ST6GAL1: variants seen among roughly 807,000 people sequenced by gnomAD.
The protein encoded by ST6GAL1 is beta-galactoside alpha-2,6-sialyltransferase 1.
ST6GAL1 carries 20 observed loss-of-function variants against 38.0 expected under a neutral mutation model. The observed-to-expected ratio is 0.53, with a 90% confidence interval of 0.37 to 0.77. The LOEUF (loss-of-function observed/expected upper bound fraction) is 0.77. ST6GAL1 is among the 30% of genes least tolerant of loss of function. The pLI, the probability that ST6GAL1 is intolerant of heterozygous loss-of-function variation, is 0.00. For missense variants in ST6GAL1, 432 were observed against 496.4 expected, an observed-to-expected ratio of 0.87 and a Z score of 1.23; for synonymous variants, 196 against 188.2, an observed-to-expected ratio of 1.04 and a Z score of -0.34.
intron 1 of ST6GAL1, among the ~76,000 whole-genome samples, chr3:186,935,240 A>G (rs910826514): frequency 2.0e-5 from 3 of 152,044 alleles, no homozygotes; most frequent in Non-Finnish European, 4.4e-5. Flanking sequence ...GCTCCCACTT[A>G]TAAGTAAGAA....
intron 2 of ST6GAL1, among the ~76,000 whole-genome samples, chr3:186,990,827 A>T (rs1236183978): frequency 6.6e-6 from 1 of 151,762 alleles, no homozygotes; most frequent in Non-Finnish European, 1.5e-5. Flanking sequence ...AAAGAAAAAA[A>T]AAAAGGATAT....
At chr3:187,017,195 T>G (rs1455975021) in intron 2 of ST6GAL1, among the ~76,000 whole-genome samples, 1 of 152,170 alleles carries the variant, frequency 6.6e-6, no homozygotes, top group Non-Finnish European at 1.5e-5. Flanking sequence ...ACTCATTAAC[T>G]ATGTCTACCC....
At chr3:186,995,894 C>T (rs764881431) in intron 2 of ST6GAL1, among the ~76,000 whole-genome samples, 63 of 152,042 alleles carry the variant, frequency 4.1e-4, no homozygotes, top group Admixed American at 2.3e-3. Context: ...TAACTTCCCA[C>T]GGGCGGGGAC....
intron 2 of ST6GAL1, among the ~76,000 whole-genome samples, chr3:187,014,500 A>G (rs537667694): frequency 3.9e-4 from 59 of 152,276 alleles, no homozygotes; most frequent in African/African-American, 1.3e-3. Flanking sequence ...CACTGGGGTG[A>G]GGTGTGGGGA....
At chr3:186,988,485 C>A (rs1716033642) in intron 2 of ST6GAL1, among the ~76,000 whole-genome samples, 1 of 149,768 alleles carries the variant, frequency 6.7e-6, no homozygotes, top group Non-Finnish European at 1.5e-5. Flanking sequence ...GAAAGACAGG[C>A]TGCACCAATA....
chr3:187,051,298 C>T lies in ST6GAL1; in HGVS notation c.657C>T (p.Phe219=). Residue 219 remains phenylalanine, a synonymous_variant, in exon 5 of 8, where the codon TTC becomes TTT. Coordinates refer to ENST00000169298, the MANE Select transcript of ST6GAL1 (RefSeq NM_173216.2). Reference sequence around the variant, plus strand: ...TTAATGGGGCACCCACAGCCAACTTCCAACAAGATGTGGGCACAAAAACTA... The same window carrying T: ...TTAATGGGGCACCCACAGCCAACTTTCAACAAGATGTGGGCACAAAAACTA... ...LRFNGAPTAN[F]QQDVGTKTTI... is the part of the protein sequence containing the mutation. The T allele has an allele frequency of 6.2e-7, 1 of 1,614,126 alleles. No homozygotes were observed. The highest frequency in any genetic ancestry group is 8.5e-7 in the Non-Finnish European group (1 of 1,180,002).
In ST6GAL1 at chr3:187,046,787, G is replaced by A. The variant is rs190163279; in HGVS notation, c.607+3477G>A. The stretch of plus-strand genomic sequence containing the variant: ...TTCTTAAAAGGCCGGATAGTAAATA[G>A]TTTTGGCTTTGAGGGCCATGATGTC... On this transcript the variant is annotated intron_variant, in intron 4 of 7. Coordinates refer to ENST00000169298, the MANE Select transcript of ST6GAL1 (RefSeq NM_173216.2). 3.9e-5 allele frequency among the ~76,000 whole-genome samples: 6 copies of A among 152,340 alleles called. No homozygotes were observed. In the East Asian group the frequency reaches 1.2e-3, roughly 29 times the overall value.
Position 187,076,268 on chromosome 3 carries a change from G to A in ST6GAL1, c.*465G>A. The A allele has an allele frequency of 5.9e-6, 1 of 170,494 alleles. No individual in the cohort carries two copies. Among genetic ancestry groups the A allele is most frequent in the Non-Finnish European group, 1.3e-5 (1 of 78,970 alleles). The allele number at this position is 170,494 out of a possible 1,614,324, so 10.6% of individuals were successfully genotyped here. A position where few individuals can be genotyped will look rare whatever the true frequency, so the allele number is the denominator to read the frequency against. On this transcript the variant is annotated 3_prime_UTR_variant, in exon 8 of 8. Transcript: ENST00000169298. The stretch of plus-strand genomic sequence containing the variant: ...GCCCAATGCAGGGTGGCTCTGGGGG[G>A]CAAGTAGGTGGTACAGGGGATTGGA...
intron 2 of ST6GAL1, among the ~76,000 whole-genome samples, chr3:186,986,152 C>T (rs947593341): frequency 3.3e-5 from 5 of 152,054 alleles, no homozygotes; most frequent in African/African-American, 9.7e-5. Flanking sequence ...ATTAGGTTGC[C>T]GTTTGAGGAA....
chr3:186,953,787 T>A (rs1714657572), intron 1 of ST6GAL1, among the ~76,000 whole-genome samples: 1 of 151,558 alleles, frequency 6.6e-6, no homozygotes, highest in Admixed American at 6.6e-5. Context: ...AATTTATACA[T>A]GAAGAAACTG....
chr3:186,993,901 A>G (rs1436926304), intron 2 of ST6GAL1, among the ~76,000 whole-genome samples: 1 of 152,170 alleles, frequency 6.6e-6, no homozygotes, highest in East Asian at 1.9e-4. Flanking sequence ...GATGATAATG[A>G]TAATAATCAT....
intron 1 of ST6GAL1, among the ~76,000 whole-genome samples, chr3:186,962,458 G>T (rs1299721910): frequency 1.3e-5 from 2 of 152,196 alleles, no homozygotes; most frequent in Non-Finnish European, 1.5e-5. Flanking sequence ...TTGGAGAACT[G>T]CACCTTCATT....
At chr3:187,065,442 G>T (rs1719069231) in intron 5 of ST6GAL1, among the ~76,000 whole-genome samples, 2 of 152,230 alleles carry the variant, frequency 1.3e-5, no homozygotes, top group Non-Finnish European at 2.9e-5. Context: ...ATACTGTTAG[G>T]TTTCAGGCCA....
At chr3:187,070,968 C>T (rs1719349570) in intron 5 of ST6GAL1, among the ~76,000 whole-genome samples, 1 of 152,192 alleles carries the variant, frequency 6.6e-6, no homozygotes, top group Non-Finnish European at 1.5e-5. Flanking sequence ...ATTCTTCAGG[C>T]TTCCAGGAAC....
chr3:186,962,709 C>G (rs973470625), intron 1 of ST6GAL1, among the ~76,000 whole-genome samples: 1 of 152,080 alleles, frequency 6.6e-6, no homozygotes, highest in Non-Finnish European at 1.5e-5. Flanking sequence ...CATGGGACTC[C>G]CTGGAAGATT....
chr3:187,038,039 T>C (rs1462056065), intron 2 of ST6GAL1, among the ~76,000 whole-genome samples: 1 of 152,080 alleles, frequency 6.6e-6, no homozygotes, highest in African/African-American at 2.4e-5. Context: ...TGAAAATAAA[T>C]AATTTTTTGA....
At chr3:186,991,369 A>G (rs1186371661) in intron 2 of ST6GAL1, among the ~76,000 whole-genome samples, 2 of 152,118 alleles carry the variant, frequency 1.3e-5, no homozygotes, top group African/African-American at 2.4e-5. Flanking sequence ...GAGGAAACGG[A>G]CATAGAAACT....
chr3:187,058,018 C>T (rs368642097), intron 5 of ST6GAL1, among the ~76,000 whole-genome samples: 14 of 152,330 alleles, frequency 9.2e-5, no homozygotes, highest in East Asian at 3.9e-4. Flanking sequence ...GCCCCTCCCC[C>T]GCCAGGCTGC....
intron 2 of ST6GAL1, among the ~76,000 whole-genome samples, chr3:186,994,725 A>G (rs1716304800): frequency 6.6e-6 from 1 of 152,122 alleles, no homozygotes; most frequent in South Asian, 2.1e-4. Context: ...TGGGTGGCCA[A>G]GGCGGCCAAG....
Sources: gnomAD v4.1 joint callset for allele counts (sites outside exome capture counted in the v4.1 genomes callset) on GRCh38, gnomAD v4.1.1 for gene constraint, MANE v1.5 for transcripts, NCBI Gene and HGNC (gene_info 2026-07-23, HGNC 2026-07-21) for gene names.